Variants in HIBADH observed in about 807,000 individuals in gnomAD.
The protein encoded by HIBADH is 3-hydroxyisobutyrate dehydrogenase, also known as 3-hydroxyisobutyrate dehydrogenase, mitochondrial.
A neutral mutation model predicts 36.1 loss-of-function variants in HIBADH; 25 were observed. The ratio of observed to expected loss-of-function variants is 0.69; its 90% CI spans 0.50 to 0.97. The LOEUF (loss-of-function observed/expected upper bound fraction) is 0.97. Among genes scored for constraint, HIBADH ranks in the 50% least tolerant of loss-of-function variants. HIBADH has a pLI of 0.00. For synonymous variants in HIBADH, 160 were observed against 149.5 expected, an observed-to-expected ratio of 1.07 and a Z score of -0.51; for missense variants, 421 against 418.0, an observed-to-expected ratio of 1.01 and a Z score of -0.06.
chr7:27,588,653 T>TATCATGAA (rs1410252567), intron 4 of HIBADH, among the ~76,000 whole-genome samples: 1 of 152,214 alleles, frequency 6.6e-6, no homozygotes, highest in Non-Finnish European at 1.5e-5. Flanking sequence ...TTTTAAAATA[T>TATCATGAA]ATCATGAAAC....
intron 4 of HIBADH, among the ~76,000 whole-genome samples, chr7:27,587,893 T>C (rs1200862620): frequency 6.6e-6 from 1 of 152,202 alleles, no homozygotes; most frequent in Non-Finnish European, 1.5e-5. Context: ...AAAGAGTCCA[T>C]CAGTAGTTAC....
intron 4 of HIBADH, among the ~76,000 whole-genome samples, chr7:27,605,452 G>A (rs1479876075): frequency 2.8e-5 from 3 of 107,056 alleles, no homozygotes; most frequent in Admixed American, 1.3e-4. Flanking sequence ...AAAACCTGCT[G>A]ACACTTTTTT....
intron 4 of HIBADH, among the ~76,000 whole-genome samples, chr7:27,547,066 C>G: frequency 6.6e-6 from 1 of 152,178 alleles, no homozygotes; most frequent in Non-Finnish European, 1.5e-5. Flanking sequence ...TATAAAATCC[C>G]AAGTCCTACA....
intron 4 of HIBADH, among the ~76,000 whole-genome samples, chr7:27,589,172 A>G (rs1784905975): frequency 6.6e-6 from 1 of 152,216 alleles, no homozygotes; most frequent in Admixed American, 6.5e-5. Flanking sequence ...TCAGCATGTT[A>G]TATTTCCACT....
chr7:27,661,332 G>A (rs1786412863), intron 1 of HIBADH, among the ~76,000 whole-genome samples: 1 of 152,126 alleles, frequency 6.6e-6, no homozygotes, highest in African/African-American at 2.4e-5. Context: ...CAGCCACAGT[G>A]GTTCATGCCT....
In HIBADH at chr7:27,655,191, G is replaced by C. The variant is rs148931456; in HGVS notation, c.92-5558C>G. ...TGATAGATCAAATGTAAAGTGTGAA[G>C]TCTGAATGGATCCTGACTTTAAAAA... On this transcript the variant is annotated intron_variant, in intron 1 of 7. Coordinates refer to ENST00000265395, the MANE Select transcript of HIBADH (RefSeq NM_152740.4). Among the ~76,000 whole-genome samples the C allele has an allele frequency of 2.7e-3, 405 of 152,252 alleles. 2 individuals carry two copies. The highest frequency in any genetic ancestry group is 9.0e-3 in the African/African-American group (374 of 41,546).
intron 7 of HIBADH, among the ~76,000 whole-genome samples, chr7:27,528,955 T>C (rs1043275934): frequency 7.9e-5 from 12 of 152,208 alleles, no homozygotes; most frequent in African/African-American, 2.7e-4. Flanking sequence ...CCAATGCTCA[T>C]TTACCATTCC....
chr7:27,632,322 T>A lies in HIBADH; in HGVS notation c.362+14A>T, dbSNP rs763300750. 1.4e-6 allele frequency: 2 copies of A among 1,475,312 alleles called. No individual in the cohort carries two copies. The highest frequency in any genetic ancestry group is 1.7e-5 in the Admixed American group (1 of 59,734). 91.4% of individuals were successfully genotyped at this position (1,475,312 alleles called of 1,614,324 possible). A position where few individuals can be genotyped will look rare whatever the true frequency, so the allele number is the denominator to read the frequency against. ...ATCATAACAAGAAAATATCCACAGG[T>A]GAGAAATACATACTTTAGAATCCCA... On this transcript the variant is annotated intron_variant, in intron 3 of 7. Transcript: ENST00000265395.
rs546072933 is a variant in HIBADH at position 27,575,134 on chromosome 7, C to T, written c.485-32034G>A. 2.6e-5 allele frequency among the ~76,000 whole-genome samples: 4 copies of T among 152,300 alleles called. No individual in the cohort carries two copies. In the South Asian group the frequency reaches 8.3e-4, roughly 32 times the overall value. On this transcript the variant is annotated intron_variant, in intron 4 of 7. Transcript: ENST00000265395. ...CAGAATAAAATTAGAAAGCCAGATA[C>T]TCTGCCAAATAGGTTTTTTAATTGG... is the stretch of plus-strand genomic sequence containing the variant.
At chr7:27,569,737 C>T (rs1478255638) in intron 4 of HIBADH, among the ~76,000 whole-genome samples, 2 of 151,998 alleles carry the variant, frequency 1.3e-5, no homozygotes, top group Non-Finnish European at 2.9e-5. Context: ...AGATCTGTCT[C>T]TGGGGCCAAA....
At chr7:27,548,834 C>T (rs1330370774) in intron 4 of HIBADH, among the ~76,000 whole-genome samples, 2 of 152,138 alleles carry the variant, frequency 1.3e-5, no homozygotes, top group Admixed American at 6.5e-5. Context: ...AATCCTGATT[C>T]CCCCTTTCCT....
intron 4 of HIBADH, among the ~76,000 whole-genome samples, chr7:27,594,447 G>A (rs1328093920): frequency 6.6e-6 from 1 of 152,050 alleles, no homozygotes; most frequent in Non-Finnish European, 1.5e-5. Flanking sequence ...CCAGCCTAAA[G>A]AAAACTTTAA....
At chr7:27,551,830 C>T (rs967787650) in intron 4 of HIBADH, among the ~76,000 whole-genome samples, 3 of 152,142 alleles carry the variant, frequency 2.0e-5, no homozygotes, top group Non-Finnish European at 2.9e-5. Flanking sequence ...AATGTTTTAA[C>T]CAGTGTGCCA....
rs115596702 is a variant in HIBADH at position 27,551,264 on chromosome 7, G to T, written c.485-8164C>A. 7.3e-3 allele frequency among the ~76,000 whole-genome samples: 1,113 copies of T among 152,252 alleles called. 10 individuals carry two copies. Among genetic ancestry groups the T allele is most frequent in the African/African-American group, 0.025 (1,029 of 41,560 alleles). On this transcript the variant is annotated intron_variant, in intron 4 of 7. Transcript: ENST00000265395. Reference sequence around the variant, plus strand: ...ATGAGGAGTTAAAAGTGAAAAACGTGATTGAGTTAAAAGACTTGGAAAGAA... The same window carrying T: ...ATGAGGAGTTAAAAGTGAAAAACGTTATTGAGTTAAAAGACTTGGAAAGAA...
At chr7:27,662,413 T>C (rs1398474606) in intron 1 of HIBADH, among the ~76,000 whole-genome samples, 3 of 151,944 alleles carry the variant, frequency 2.0e-5, no homozygotes, top group Non-Finnish European at 4.4e-5. Flanking sequence ...CCAAATACTC[T>C]CTTCTCTTCA....
chr7:27,526,176 G>C lies in HIBADH; in HGVS notation c.*38C>G, dbSNP rs1339431360. 1 of 1,548,464 alleles carries C rather than the reference G, an allele frequency of 6.5e-7. No individual in the cohort carries two copies. On this transcript the variant is annotated 3_prime_UTR_variant, in exon 8 of 8. Coordinates refer to ENST00000265395, the MANE Select transcript of HIBADH (RefSeq NM_152740.4). ...AGCTAAAAGGAGGCTCCAAGACAGA[G>C]TTTGGTTCCCAACAGTGTCCGTGGC... is the stretch of plus-strand genomic sequence containing the variant.
chr7:27,565,271 G>T (rs896097529), intron 4 of HIBADH, among the ~76,000 whole-genome samples: 4 of 152,148 alleles, frequency 2.6e-5, no homozygotes, highest in African/African-American at 7.2e-5. Flanking sequence ...CACAACAAAG[G>T]CTCTTGCCCA....
At chr7:27,536,850 G>C (rs1294923284) in intron 6 of HIBADH, among the ~76,000 whole-genome samples, 1 of 152,156 alleles carries the variant, frequency 6.6e-6, no homozygotes, top group East Asian at 1.9e-4. Flanking sequence ...GGCAAAGAGG[G>C]AAAGCTGTAG....
chr7:27,624,334 T>C (rs1247192696), intron 4 of HIBADH, among the ~76,000 whole-genome samples: 1 of 152,242 alleles, frequency 6.6e-6, no homozygotes, highest in Non-Finnish European at 1.5e-5. Context: ...ATGTTAAAGC[T>C]GGCCTTCATA....
Sources: allele counts gnomAD v4.1 joint callset (sites outside exome capture counted in the v4.1 genomes callset), GRCh38; gene constraint gnomAD v4.1.1; transcripts MANE v1.5; gene names NCBI Gene and HGNC (gene_info 2026-07-23, HGNC 2026-07-21).